Variants in SLCO1B1 observed in about 807,000 individuals in gnomAD.
The protein encoded by SLCO1B1 is OATP-2.
Under a neutral mutation model 70.1 loss-of-function variants are expected in SLCO1B1, and 81 were observed. The observed-to-expected ratio is 1.16, with a 90% CI of 0.97 to 1.39. SLCO1B1 has a LOEUF of 1.39. Ranked by LOEUF, SLCO1B1 falls within the 40% of genes most tolerant of loss-of-function variation. SLCO1B1 has a pLI of 0.00. For synonymous variants in SLCO1B1, 283 were observed against 271.5 expected (o/e 1.04, Z -0.42); for missense variants, 895 against 799.6 (o/e 1.12, Z -1.44).
At chr12:21,222,994 G>C (rs761122174) in intron 13 of SLCO1B1, among the ~76,000 whole-genome samples, 1 of 152,050 alleles carries the variant, frequency 6.6e-6, no homozygotes, top group Non-Finnish European at 1.5e-5. Flanking sequence ...CCTCCGTTCC[G>C]TTTTGTGTGT....
intron 7 of SLCO1B1, among the ~76,000 whole-genome samples, chr12:21,193,445 C>A (rs1941054302): frequency 6.6e-6 from 1 of 152,098 alleles, no homozygotes; most frequent in Non-Finnish European, 1.5e-5. Context: ...CTCTATATTT[C>A]TCTTTTCAGT....
intron 14 of SLCO1B1, among the ~76,000 whole-genome samples, chr12:21,235,842 T>TATC (rs1941591192): frequency 6.6e-6 from 1 of 151,878 alleles, no homozygotes; most frequent in African/African-American, 2.4e-5. Context: ...CTGTCATTAT[T>TATC]ATTTTTCTTT....
At chr12:21,134,799 A>G (rs985235956) in intron 1 of SLCO1B1, among the ~76,000 whole-genome samples, 5 of 151,910 alleles carry the variant, frequency 3.3e-5, no homozygotes, top group Admixed American at 6.6e-5. Context: ...TGGATTCATT[A>G]ATTTTTTGAA....
chr12:21,178,844 C>G (rs1940855798), intron 6 of SLCO1B1, 78 bp from the exon 7 acceptor site: 3 of 1,367,190 alleles, frequency 2.2e-6, no homozygotes, highest in Non-Finnish European at 3.1e-6. Context: ...TGTATTGTAT[C>G]ATATTTCTTT....
At chr12:21,133,545 C>CAA (rs1940172265) in intron 1 of SLCO1B1, among the ~76,000 whole-genome samples, 1 of 152,106 alleles carries the variant, frequency 6.6e-6, no homozygotes, top group Non-Finnish European at 1.5e-5. Context: ...AGAGGTCCTT[C>CAA]ACATCCCTTG....
intron 3 of SLCO1B1, among the ~76,000 whole-genome samples, chr12:21,173,941 T>C (rs1447220480): frequency 6.6e-6 from 1 of 152,044 alleles, no homozygotes; most frequent in Non-Finnish European, 1.5e-5. Context: ...GTATTTTTAG[T>C]AGAGACGGGA....
At chr12:21,180,015 ACAAT>A (rs1241601458) in intron 7 of SLCO1B1, among the ~76,000 whole-genome samples, 2 of 152,156 alleles carry the variant, frequency 1.3e-5, no homozygotes, top group African/African-American at 4.8e-5. Context: ...TTAGTGAAAC[ACAAT>A]CAATTTCTAC....
intron 2 of SLCO1B1, among the ~76,000 whole-genome samples, chr12:21,163,930 A>C (rs536980203): frequency 7.6e-6 from 1 of 131,616 alleles, no homozygotes; most frequent in Non-Finnish European, 1.7e-5. Flanking sequence ...AGACGGTATG[A>C]AACAAATCAC....
At chr12:21,178,440 C>T in intron 5 of SLCO1B1, 136 bp from the exon 6 acceptor site, 1 of 652,244 alleles carries the variant, frequency 1.5e-6, no homozygotes, top group South Asian at 2.0e-5. Context: ...TCAAAGTTTG[C>T]AAAGTGAATA....
At chr12:21,200,877 A>T (rs967676561) in intron 9 of SLCO1B1, among the ~76,000 whole-genome samples, 4 of 152,160 alleles carry the variant, frequency 2.6e-5, no homozygotes, top group African/African-American at 9.6e-5. Context: ...ATCTTATTTT[A>T]GATGAGTTCC....
intron 11 of SLCO1B1, among the ~76,000 whole-genome samples, chr12:21,214,323 GT>G (rs1164161702): frequency 1.3e-5 from 2 of 151,114 alleles, no homozygotes; most frequent in African/African-American, 4.9e-5. Context: ...ACCCTGCCGT[GT>G]GAGGTGTCAG....
chr12:21,164,393 C>T (rs1329656774), intron 2 of SLCO1B1, among the ~76,000 whole-genome samples: 1 of 152,104 alleles, frequency 6.6e-6, no homozygotes, highest in Non-Finnish European at 1.5e-5. Context: ...TTTACATTTT[C>T]TATTTTCCCC....
At chr12:21,232,723 G>C (rs200269183) in intron 14 of SLCO1B1, among the ~76,000 whole-genome samples, 2 of 148,306 alleles carry the variant, frequency 1.3e-5, no homozygotes, top group Non-Finnish European at 3.0e-5. Context: ...GAAAGACAGA[G>C]AGACAGAGAG....
Position 21,178,671 on chromosome 12 carries a change from CTTTCTTACAT to C in SLCO1B1, c.579_588del (p.Ser194MetfsTer13). ...GGAGACTCCCATAGTACCATTGGGGCTTTCTTACATTGATGATTTCGCTAAAGAAGGACAT... is the reference window on the plus strand; with the variant it reads ...GGAGACTCCCATAGTACCATTGGGGCTGATGATTTCGCTAAAGAAGGACAT... On this transcript the variant is annotated frameshift_variant, in exon 6 of 15. Transcript: ENST00000256958. LOFTEE classifies it high-confidence loss of function. 1 of 1,606,560 alleles carries C rather than the reference CTTTCTTACAT, an allele frequency of 6.2e-7. No individual in the cohort carries two copies. The highest frequency in any genetic ancestry group is 8.5e-7 in the Non-Finnish European group (1 of 1,173,208).
chr12:21,149,424 T>G (rs1342677915), intron 2 of SLCO1B1, among the ~76,000 whole-genome samples: 1 of 152,170 alleles, frequency 6.6e-6, no homozygotes, highest in Non-Finnish European at 1.5e-5. Context: ...TTGAGAGATT[T>G]TAGCACAGCT....
chr12:21,232,057 A>C (rs1409165984), intron 14 of SLCO1B1, among the ~76,000 whole-genome samples: 1 of 152,202 alleles, frequency 6.6e-6, no homozygotes, highest in South Asian at 2.1e-4. Context: ...CTTCAAAGGT[A>C]ACTCACAGAA....
chr12:21,210,073 A>G (rs1179149396), intron 11 of SLCO1B1, among the ~76,000 whole-genome samples: 1 of 146,316 alleles, frequency 6.8e-6, no homozygotes, highest in Non-Finnish European at 1.5e-5. Flanking sequence ...ATTAGATCCC[A>G]TTTGTCAATT....
rs1565437772 is a variant in SLCO1B1 at position 21,202,640 on chromosome 12, C to T, written c.1285C>T (p.Leu429Phe). 4 of 1,612,620 alleles carry T rather than the reference C, an allele frequency of 2.5e-6. No individual in the cohort carries two copies. The highest frequency in any genetic ancestry group is 1.3e-5 in the African/African-American group (1 of 74,822). Reference protein sequence around the residue: ...LSFYLLYFFILCENKSVAGLT... With the variant: ...LSFYLLYFFIFCENKSVAGLT... ...CTTTTACCTATTATATTTTTTCATA[C>T]TCTGTGAAAACAAATCAGTTGCCGG... Residue 429 changes from leucine to phenylalanine, a missense_variant, in exon 10 of 15, where the codon CTC (leucine) becomes TTC (phenylalanine). By Grantham distance (22) the Leu-to-Phe change is conservative. Coordinates refer to ENST00000256958, the MANE Select transcript of SLCO1B1 (RefSeq NM_006446.5).
intron 2 of SLCO1B1, among the ~76,000 whole-genome samples, chr12:21,162,081 T>C (rs1940626930): frequency 3.3e-5 from 5 of 151,682 alleles, no homozygotes. Flanking sequence ...AACAATTTTT[T>C]AAAATCAGAA....
Sources: allele counts gnomAD v4.1 joint callset (sites outside exome capture counted in the v4.1 genomes callset), GRCh38; gene constraint gnomAD v4.1.1; transcripts MANE v1.5; gene names NCBI Gene and HGNC (gene_info 2026-07-23, HGNC 2026-07-21).